The following MCC variants were observed in gnomAD, a reference collection of about 807,000 sequenced individuals.
MCC encodes the protein MCC regulator of Wnt signaling pathway, also known as colorectal mutant cancer protein.
Under a neutral mutation model 116.2 loss-of-function variants are expected in MCC, and 90 were observed. That is an observed-to-expected ratio of 0.77 (90% CI 0.65 to 0.92). The LOEUF (loss-of-function observed/expected upper bound fraction) is 0.92, where lower values mean the gene tolerates loss of function less well. MCC is among the 40% of genes least tolerant of loss of function. MCC has a pLI of 0.00. For missense variants in MCC, 1,516 were observed against 1,312.2 expected (o/e 1.16, Z -2.40); for synonymous variants, 578 against 510.5 (o/e 1.13, Z -1.78).
chr5:113,159,572 T>C (rs773300536), intron 3 of MCC, among the ~76,000 whole-genome samples: 12 of 152,156 alleles, frequency 7.9e-5, no homozygotes, highest in Non-Finnish European at 1.8e-4. Flanking sequence ...AGCTCGTGGG[T>C]AGTCAATAAA....
At chr5:113,029,349 T>C (rs1490898800) in intron 17 of MCC, among the ~76,000 whole-genome samples, 1 of 150,678 alleles carries the variant, frequency 6.6e-6, no homozygotes, top group Middle Eastern at 3.2e-3. Context: ...TAGAAGTTCC[T>C]TTCTACTATT....
chr5:113,060,863 C>G (rs777213146), intron 14 of MCC, among the ~76,000 whole-genome samples: 1 of 152,154 alleles, frequency 6.6e-6, no homozygotes, highest in Non-Finnish European at 1.5e-5. Flanking sequence ...GATAGACTCT[C>G]CTGACACACA....
intron 5 of MCC, among the ~76,000 whole-genome samples, chr5:113,128,277 A>T (rs1246892290): frequency 1.3e-5 from 2 of 152,250 alleles, no homozygotes; most frequent in Non-Finnish European, 2.9e-5. Context: ...CTGCTTTGAC[A>T]GCTGTCAAGC....
intron 1 of MCC, among the ~76,000 whole-genome samples, chr5:113,487,278 T>C (rs1309338662): frequency 1.3e-5 from 2 of 151,300 alleles, no homozygotes; most frequent in African/African-American, 4.9e-5. Flanking sequence ...CACCAAGACA[T>C]AGACTAAAGA....
intron 8 of MCC, among the ~76,000 whole-genome samples, chr5:113,095,514 G>A (rs1755950354): frequency 6.6e-6 from 1 of 152,026 alleles, no homozygotes; most frequent in South Asian, 2.1e-4. Context: ...CATAATTTAG[G>A]TTTTCAAAAT....
intron 3 of MCC, among the ~76,000 whole-genome samples, chr5:113,338,229 T>A (rs764163099): frequency 1.3e-4 from 20 of 152,250 alleles, no homozygotes; most frequent in Non-Finnish European, 2.4e-4. Context: ...TGCCAAGGGA[T>A]CGCCTTAAGT....
intron 11 of MCC, among the ~76,000 whole-genome samples, chr5:113,081,444 CA>C (rs1292624997): frequency 7.9e-5 from 12 of 152,148 alleles, no homozygotes; most frequent in Admixed American, 6.5e-4. Flanking sequence ...CATCAGCTAC[CA>C]GCAAAATATT....
At chr5:113,366,229 G>A (rs1768683913) in intron 2 of MCC, among the ~76,000 whole-genome samples, 2 of 151,264 alleles carry the variant, frequency 1.3e-5, no homozygotes, top group East Asian at 3.9e-4. Flanking sequence ...TGTCTTTTTG[G>A]TTTTCTTTTT....
At chr5:113,399,475 A>G (rs1043233881) in intron 1 of MCC, among the ~76,000 whole-genome samples, 1 of 152,068 alleles carries the variant, frequency 6.6e-6, no homozygotes, top group African/African-American at 2.4e-5. Context: ...ACAGAGCAAG[A>G]CTCTGTCTCA....
At chr5:113,046,710 A>AAAAAAAAAAAAAAAAAAAAAAAGAG in intron 16 of MCC, among the ~76,000 whole-genome samples, 4 of 102,408 alleles carry the variant, frequency 3.9e-5, no homozygotes, top group South Asian at 3.5e-4. Flanking sequence ...AAAAAAAAAA[A>AAAAAAAAAAAAAAAAAAAAAAAGAG]AGAGAGAGAT....
At position 113,475,325 on chromosome 5, in the gene MCC, C is replaced by T. The variant is rs142282700; in HGVS notation, c.170+12920G>A. On this transcript the variant is annotated intron_variant, in intron 1 of 18. Transcript: ENST00000408903. ...CAAGTAAATATTCAACTGAGAGTTACATCAGACAAACATTTAATGCTTATT... is the reference window on the plus strand; with the variant it reads ...CAAGTAAATATTCAACTGAGAGTTATATCAGACAAACATTTAATGCTTATT... 2.3e-3 allele frequency among the ~76,000 whole-genome samples: 352 copies of T among 152,292 alleles called. 2 individuals carry two copies. The highest frequency in any genetic ancestry group is 8.3e-3 in the African/African-American group (345 of 41,582).
At chr5:113,245,543 A>T (rs921364411) in intron 3 of MCC, among the ~76,000 whole-genome samples, 2 of 152,120 alleles carry the variant, frequency 1.3e-5, no homozygotes, top group Non-Finnish European at 2.9e-5. Flanking sequence ...CCAAGGACAT[A>T]AGGCCAAGAA....
intron 1 of MCC, among the ~76,000 whole-genome samples, chr5:113,440,949 C>T (rs76628236): frequency 0.032 from 4,884 of 152,250 alleles, 107 homozygotes; most frequent in East Asian, 0.076. Context: ...AGCATTTTCT[C>T]CTCCTTTCTA....
At chr5:113,041,266 T>C (rs1751690534) in intron 17 of MCC, among the ~76,000 whole-genome samples, 1 of 152,176 alleles carries the variant, frequency 6.6e-6, no homozygotes, top group Non-Finnish European at 1.5e-5. Flanking sequence ...CTGGATCAAG[T>C]GAGCTGACTG....
chr5:113,431,547 A>C (rs1379290486), intron 1 of MCC, among the ~76,000 whole-genome samples: 1 of 152,060 alleles, frequency 6.6e-6, no homozygotes, highest in Non-Finnish European at 1.5e-5. Flanking sequence ...CTACATATAA[A>C]TGGGGTGGGT....
At chr5:113,144,794 G>A (rs927379443) in intron 4 of MCC, among the ~76,000 whole-genome samples, 4 of 152,190 alleles carry the variant, frequency 2.6e-5, no homozygotes, top group Non-Finnish European at 5.9e-5. Context: ...CTTTATCACA[G>A]CCTTAGAGGG....
intron 3 of MCC, among the ~76,000 whole-genome samples, chr5:113,225,214 C>G (rs545851415): frequency 3.3e-4 from 50 of 152,280 alleles, no homozygotes; most frequent in Admixed American, 7.8e-4. Flanking sequence ...ACGTATGACA[C>G]TTATGTGTTT....
chr5:113,085,020 C>G, intron 9 of MCC, 144 bp downstream of exon 9: 1 of 1,059,690 alleles, frequency 9.4e-7, no homozygotes, highest in South Asian at 1.4e-5. Context: ...GCAGCTCCTG[C>G]ATAGAAGGCC....
chr5:113,261,157 G>A (rs1287825526), intron 3 of MCC, among the ~76,000 whole-genome samples: 1 of 152,122 alleles, frequency 6.6e-6, no homozygotes, highest in Non-Finnish European at 1.5e-5. Context: ...AAACGTAATA[G>A]CTTGGCCTAG....
Sources: allele counts gnomAD v4.1 joint callset (sites outside exome capture counted in the v4.1 genomes callset), GRCh38; gene constraint gnomAD v4.1.1; transcripts MANE v1.5; gene names NCBI Gene and HGNC (gene_info 2026-07-23, HGNC 2026-07-21).